PARL: variants seen among roughly 807,000 people sequenced by gnomAD.
The protein encoded by PARL is presenilin associated rhomboid like, also known as presenilin-associated rhomboid-like protein, mitochondrial.
PARL carries 44 observed loss-of-function variants against 51.6 expected under a neutral mutation model. The observed-to-expected ratio is 0.85, with a 90% CI of 0.67 to 1.10. The LOEUF (loss-of-function observed/expected upper bound fraction) is 1.10, where lower values mean the gene tolerates loss of function less well. Ranked by LOEUF, PARL falls within the 50% of genes least tolerant of loss-of-function variation. PARL has a pLI of 0.00. For missense variants in PARL, 441 were observed against 469.5 expected (o/e 0.94, Z 0.56); for synonymous variants, 172 against 164.0 (o/e 1.05, Z -0.37).
intron 4 of PARL, among the ~76,000 whole-genome samples, chr3:183,848,145 G>C (rs1178043518): frequency 6.6e-6 from 1 of 152,272 alleles, no homozygotes; most frequent in African/African-American, 2.4e-5. Flanking sequence ...CAGAACTCTG[G>C]AAACTAATCA....
chr3:183,861,334 G>T, intron 4 of PARL: 1 of 483,818 alleles, frequency 2.1e-6, no homozygotes, highest in Non-Finnish European at 2.7e-6. Context: ...TGCCCTTACT[G>T]TGTACATGAT....
At chr3:183,844,642 A>G in intron 4 of PARL, 1 of 270,724 alleles carries the variant, frequency 3.7e-6, no homozygotes, top group Non-Finnish European at 7.1e-6. Context: ...TTTATTGTCT[A>G]TAATAGCCAA....
chr3:183,875,310 G>A (rs372260821), intron 1 of PARL, among the ~76,000 whole-genome samples: 1 of 150,932 alleles, frequency 6.6e-6, no homozygotes, highest in Admixed American at 6.7e-5. Context: ...AGCCACTGGG[G>A]AGGTTGAGGC....
chr3:183,827,679 G>A (rs1331852097), downstream of PARL, among the ~76,000 whole-genome samples: 3 of 152,132 alleles, frequency 2.0e-5, no homozygotes, highest in Non-Finnish European at 4.4e-5. Flanking sequence ...GAATGGCTCC[G>A]GGTTTCAGAC....
At chr3:183,848,778 C>T (rs1730244310) in intron 4 of PARL, among the ~76,000 whole-genome samples, 1 of 152,044 alleles carries the variant, frequency 6.6e-6, no homozygotes, top group South Asian at 2.1e-4. Context: ...TTTGAGGCTG[C>T]CTGAGATGAT....
At chr3:183,878,849 C>A (rs747342075) in intron 1 of PARL, among the ~76,000 whole-genome samples, 1 of 152,130 alleles carries the variant, frequency 6.6e-6, no homozygotes, top group South Asian at 2.1e-4. Flanking sequence ...GGTTTTCACA[C>A]GTTTAAAGAG....
intron 4 of PARL, among the ~76,000 whole-genome samples, chr3:183,855,979 A>C (rs1162727751): frequency 6.6e-6 from 1 of 151,572 alleles, no homozygotes; most frequent in Non-Finnish European, 1.5e-5. Flanking sequence ...AACAAAAAAA[A>C]AAACAAAAAA....
At chr3:183,839,295 A>G (rs1729014472) in intron 7 of PARL, among the ~76,000 whole-genome samples, 1 of 152,216 alleles carries the variant, frequency 6.6e-6, no homozygotes, top group South Asian at 2.1e-4. Context: ...GAATGCATTT[A>G]AATGAATTAG....
intron 1 of PARL, among the ~76,000 whole-genome samples, chr3:183,880,704 C>G (rs1734341354): frequency 6.6e-6 from 1 of 151,712 alleles, no homozygotes; most frequent in South Asian, 2.1e-4. Flanking sequence ...GCCTGGCCAG[C>G]TCAGACTTTT....
chr3:183,860,069 A>C (rs1029824864), intron 4 of PARL, among the ~76,000 whole-genome samples: 3 of 151,974 alleles, frequency 2.0e-5, no homozygotes, highest in Admixed American at 6.6e-5. Context: ...AAAAAAAAAA[A>C]CCCATTCGGA....
intron 4 of PARL, among the ~76,000 whole-genome samples, chr3:183,862,252 C>T (rs898831347): frequency 2.0e-4 from 30 of 152,086 alleles, no homozygotes; most frequent in Non-Finnish European, 3.4e-4. Flanking sequence ...GGGAGAAGAG[C>T]GAAAACTGGT....
chr3:183,835,045 C>T (rs1459237982), intron 7 of PARL, among the ~76,000 whole-genome samples: 2 of 151,508 alleles, frequency 1.3e-5, no homozygotes, highest in African/African-American at 2.4e-5. Flanking sequence ...GGTAAAACAG[C>T]GAGACTCTGT....
chr3:183,843,348 T>C (rs1255635881), intron 5 of PARL: 7 of 967,034 alleles, frequency 7.2e-6, no homozygotes, highest in Non-Finnish European at 8.6e-6. Context: ...AGACCTCATC[T>C]GCACTAAAAA....
At chr3:183,846,411 T>G (rs1357685844) in intron 4 of PARL, 1 of 446,680 alleles carries the variant, frequency 2.2e-6, no homozygotes, top group Admixed American at 6.4e-5. Flanking sequence ...GAGAATCACT[T>G]GAACCCAGGA....
At chr3:183,883,016 T>C (rs1734743691) in intron 1 of PARL, among the ~76,000 whole-genome samples, 1 of 152,228 alleles carries the variant, frequency 6.6e-6, no homozygotes, top group South Asian at 2.1e-4. Flanking sequence ...GCCTACATTC[T>C]CATGTATATT....
chr3:183,832,584 A>C lies in PARL; in HGVS notation c.1028+908T>G, dbSNP rs566735668. Among the ~76,000 whole-genome samples, 9 of 152,332 alleles carry C rather than the reference A, an allele frequency of 5.9e-5. No homozygotes were observed. The East Asian group carries it at 1.5e-3, about 26-fold the overall frequency. On this transcript the variant is annotated intron_variant, in intron 9 of 9. Coordinates refer to ENST00000317096, the MANE Select transcript of PARL (RefSeq NM_018622.7). ...TTCCATTGTCGCGGAACAAAATAAA[A>C]ACCAAGTAAGGGCAAAAGGCAACAT...
intron 4 of PARL, among the ~76,000 whole-genome samples, chr3:183,859,044 C>G (rs1183488644): frequency 6.6e-6 from 1 of 152,008 alleles, no homozygotes; most frequent in Admixed American, 6.6e-5. Flanking sequence ...CGGTGGCTCA[C>G]GCCTGTAATC....
chr3:183,876,610 TAAA>T (rs576376716), intron 1 of PARL, among the ~76,000 whole-genome samples: 7,878 of 90,736 alleles, frequency 0.087, 268 homozygotes, highest in Middle Eastern at 0.13. Flanking sequence ...ATACATTTTG[TAAA>T]AAAAAAAAAA....
In PARL at chr3:183,844,281, G is replaced by A. The variant is rs1467819039; in HGVS notation, c.557C>T (p.Pro186Leu). Residue 186 changes from proline to leucine, a missense_variant, in exon 5 of 10, where the codon CCT (proline) becomes CTT (leucine). Transcript: ENST00000317096. ...TCTGATCATTGTCCGCTGCAGAGAA[G>A]GTACTCTCCATAAACAGAATACAAG... ...NVLVFCLWRVPSLQRTMIRYF... is the reference protein window; with the variant it reads ...NVLVFCLWRVLSLQRTMIRYF... 1.2e-6 allele frequency: 2 copies of A among 1,609,354 alleles called. No homozygotes were observed. The highest frequency in any genetic ancestry group is 1.7e-6 in the Non-Finnish European group (2 of 1,176,112).
Sources: gnomAD v4.1 joint callset for allele counts (sites outside exome capture counted in the v4.1 genomes callset) on GRCh38, gnomAD v4.1.1 for gene constraint, MANE v1.5 for transcripts, NCBI Gene and HGNC (gene_info 2026-07-23, HGNC 2026-07-21) for gene names.